The following INTS4 variants were observed in gnomAD, a reference collection of about 807,000 sequenced individuals.
INTS4 encodes integrator complex subunit 4.
In INTS4, 70 loss-of-function variants were observed where a neutral mutation model predicts 119.5. The ratio of observed to expected loss-of-function variants is 0.59; its 90% confidence interval spans 0.48 to 0.71. The LOEUF is 0.71. Among genes scored for constraint, INTS4 ranks in the 30% least tolerant of loss-of-function variants. The probability of loss-of-function intolerance (pLI) is 0.00; values close to 1 mark genes in which losing one functional copy is unlikely to be tolerated. For missense variants in INTS4, 867 were observed against 1,173.2 expected, an observed-to-expected ratio of 0.74 and a Z score of 3.81; for synonymous variants, 316 against 419.6, an observed-to-expected ratio of 0.75 and a Z score of 3.02.
At chr11:77,966,946 G>A (rs553678916) in intron 4 of INTS4, among the ~76,000 whole-genome samples, 8 of 152,082 alleles carry the variant, frequency 5.3e-5, no homozygotes, top group Non-Finnish European at 1.0e-4. Context: ...CACAATGGCT[G>A]CACTATTTTG....
chr11:77,992,864 CCCT>C (rs750342944), intron 1 of INTS4, among the ~76,000 whole-genome samples: 1 of 152,182 alleles, frequency 6.6e-6, no homozygotes, highest in Non-Finnish European at 1.5e-5. Context: ...TATCAGTTCT[CCCT>C]CCTCATCTTT....
chr11:77,957,351 C>G (rs1325194055), intron 7 of INTS4, among the ~76,000 whole-genome samples: 7 of 151,874 alleles, frequency 4.6e-5, no homozygotes, highest in Admixed American at 4.6e-4. Flanking sequence ...GGGTTCAAGA[C>G]CAGCCTACCC....
chr11:77,988,391 C>T (rs1856541968), intron 2 of INTS4, among the ~76,000 whole-genome samples: 1 of 152,096 alleles, frequency 6.6e-6, no homozygotes, highest in African/African-American at 2.4e-5. Context: ...ATTTATTTTA[C>T]CAGGCACTGT....
At chr11:77,986,314 G>A (rs1856454574) in intron 2 of INTS4, among the ~76,000 whole-genome samples, 1 of 152,158 alleles carries the variant, frequency 6.6e-6, no homozygotes, top group Admixed American at 6.5e-5. Context: ...CAGTTAGAAT[G>A]GCAATCATTA....
At chr11:77,959,377 T>C (rs901443183) in intron 6 of INTS4, among the ~76,000 whole-genome samples, 54 of 152,132 alleles carry the variant, frequency 3.5e-4, no homozygotes, top group African/African-American at 1.3e-3. Flanking sequence ...CATCAAACTT[T>C]TATACTCAAC....
rs554234258 is a variant in INTS4 at position 77,988,248 on chromosome 11, C to T, written c.246+2860G>A. ...GAAGGAGATAGACACATATGGCAAA[C>T]AATTGCAACGCATAAGACTTAACAA... On this transcript the variant is annotated intron_variant, in intron 2 of 22. Transcript: ENST00000534064. Among the ~76,000 whole-genome samples the T allele has an allele frequency of 2.6e-5, 4 of 152,272 alleles. No individual in the cohort carries two copies. In the South Asian group the frequency reaches 8.3e-4, roughly 32 times the overall value.
intron 8 of INTS4, among the ~76,000 whole-genome samples, chr11:77,950,245 T>G (rs1323420866): frequency 2.0e-5 from 3 of 151,976 alleles, no homozygotes; most frequent in Non-Finnish European, 4.4e-5. Flanking sequence ...AGGGACAGCA[T>G]TAGGAGAAAT....
Position 77,894,350 on chromosome 11 carries a change from C to T in INTS4, c.2229-1G>A, listed in dbSNP as rs1222824852. The T allele has an allele frequency of 5.8e-6, 9 of 1,539,372 alleles. No individual in the cohort carries two copies. Among genetic ancestry groups the T allele is most frequent in the Non-Finnish European group, 8.0e-6 (9 of 1,125,484 alleles). On this transcript the variant is annotated splice_acceptor_variant, in intron 18 of 22. Transcript: ENST00000534064. LOFTEE classifies it high-confidence loss of function. ...ACACATCCCAAATAAGGGGTCAAGT[C>T]TGTAGAAAAGAAATGTAAAATAATT...
At chr11:77,992,369 C>T (rs566350278) in intron 1 of INTS4, among the ~76,000 whole-genome samples, 2 of 151,982 alleles carry the variant, frequency 1.3e-5, no homozygotes, top group African/African-American at 2.4e-5. Context: ...CCAGTTTGGG[C>T]GAAAAGAGCG....
intron 4 of INTS4, among the ~76,000 whole-genome samples, chr11:77,971,347 T>C (rs1855724189): frequency 6.6e-6 from 1 of 152,070 alleles, no homozygotes; most frequent in Non-Finnish European, 1.5e-5. Context: ...GTTCCTTAGA[T>C]AGTCTAAATA....
chr11:77,883,834 G>T lies in INTS4; in HGVS notation c.2711C>A (p.Thr904Lys). The T allele has an allele frequency of 6.2e-7, 1 of 1,612,838 alleles. No individual in the cohort carries two copies. Among genetic ancestry groups the T allele is most frequent in the Non-Finnish European group, 8.5e-7 (1 of 1,179,472 alleles). The part of the protein sequence containing the change: ...TQVYLSHTAW[T>K]EACQVEVRLL... ...CCACCCTGGTCCTGACTCCTTACCT[G>T]TCCAAGCGGTGTGGGAGAGATAAAC... Residue 904 changes from threonine (T) to lysine (K), a missense_variant and splice_region_variant, in exon 22 of 23, where the codon ACA becomes AAA. Thr to Lys is a moderately conservative substitution (Grantham distance 78). Transcript: ENST00000534064.
At chr11:77,905,005 G>T (rs1952900234) in intron 16 of INTS4, among the ~76,000 whole-genome samples, 1 of 152,192 alleles carries the variant, frequency 6.6e-6, no homozygotes, top group Non-Finnish European at 1.5e-5. Context: ...CAGAAACCTG[G>T]TAAAAGATTA....
At chr11:77,948,654 C>CAA (rs138277574) in intron 8 of INTS4, among the ~76,000 whole-genome samples, 9 of 91,358 alleles carry the variant, frequency 9.9e-5, no homozygotes, top group African/African-American at 2.4e-4. Flanking sequence ...CTCAAAGAAA[C>CAA]AAAAAAAAAA....
At chr11:77,992,704 T>C (rs989914390) in intron 1 of INTS4, among the ~76,000 whole-genome samples, 1 of 152,146 alleles carries the variant, frequency 6.6e-6, no homozygotes, top group African/African-American at 2.4e-5. Flanking sequence ...GACTTTGGAG[T>C]CAGAGGAATT....
chr11:77,965,897 C>T (rs189102177), intron 4 of INTS4, among the ~76,000 whole-genome samples: 11 of 152,332 alleles, frequency 7.2e-5, no homozygotes, highest in African/African-American at 2.4e-4. Flanking sequence ...TTGAGACCTT[C>T]ATCTTGTTTT....
At chr11:77,983,298 T>C (rs541115410) in intron 2 of INTS4, among the ~76,000 whole-genome samples, 2 of 152,332 alleles carry the variant, frequency 1.3e-5, no homozygotes, top group Middle Eastern at 3.4e-3. Context: ...TGTTAAATAA[T>C]AGAGACAGGG....
intron 10 of INTS4, among the ~76,000 whole-genome samples, chr11:77,936,186 C>T (rs1953786679): frequency 6.6e-6 from 1 of 151,680 alleles, no homozygotes; most frequent in Non-Finnish European, 1.5e-5. Context: ...GGAATATATA[C>T]AGGATGGAAT....
At chr11:77,924,159 C>T (rs967971089) in intron 12 of INTS4, among the ~76,000 whole-genome samples, 3 of 150,666 alleles carry the variant, frequency 2.0e-5, no homozygotes, top group African/African-American at 7.3e-5. Flanking sequence ...CTTTGGGAGG[C>T]CGGGGCAGGG....
At chr11:77,912,216 G>T (rs1300519822) in intron 15 of INTS4, among the ~76,000 whole-genome samples, 1 of 152,214 alleles carries the variant, frequency 6.6e-6, no homozygotes, top group African/African-American at 2.4e-5. Context: ...CAAAAAATTA[G>T]CCAGGTGTGG....
Sources: allele counts gnomAD v4.1 joint callset (sites outside exome capture counted in the v4.1 genomes callset), GRCh38; gene constraint gnomAD v4.1.1; transcripts MANE v1.5; gene names NCBI Gene and HGNC (gene_info 2026-07-23, HGNC 2026-07-21).